HSF1: variants seen among roughly 807,000 people sequenced by gnomAD.
The protein encoded by HSF1 is heat shock transcription factor 1, also known as heat shock factor protein 1.
In HSF1, 32 loss-of-function variants were observed where a neutral mutation model predicts 51.7. That is an observed-to-expected ratio of 0.62 (90% CI 0.47 to 0.83). The LOEUF (loss-of-function observed/expected upper bound fraction) is 0.83, where lower values mean the gene tolerates loss of function less well. Ranked by LOEUF, HSF1 falls within the 40% of genes least tolerant of loss-of-function variation. The pLI is 0.00. For missense variants in HSF1, 727 were observed against 717.0 expected, an observed-to-expected ratio of 1.01 and a Z score of -0.16; for synonymous variants, 396 against 309.7, an observed-to-expected ratio of 1.28 and a Z score of -2.92.
chr8:144,311,913 G>A (rs374594691), intron 8 of HSF1, 50 bp from the exon 9 acceptor site: 2 of 1,580,872 alleles, frequency 1.3e-6, no homozygotes, highest in Non-Finnish European at 1.7e-6. Context: ...AGTTGGGGAT[G>A]AGGTGGGGCT....
intron 1 of HSF1, among the ~76,000 whole-genome samples, chr8:144,293,983 T>C (rs1166520919): frequency 6.6e-6 from 1 of 151,582 alleles, no homozygotes; most frequent in East Asian, 1.9e-4. Context: ...GGAAGGCAGG[T>C]GTGATGAGGC....
At chr8:144,299,725 T>C (rs1435540907) in intron 1 of HSF1, among the ~76,000 whole-genome samples, 2 of 151,696 alleles carry the variant, frequency 1.3e-5, no homozygotes, top group South Asian at 2.1e-4. Context: ...CTGGCTAACA[T>C]GGTGAAACCC....
Position 144,311,526 on chromosome 8 carries a change from T to C in HSF1, c.648T>C (p.Ser216=), listed in dbSNP as rs1554844495. The C allele has an allele frequency of 1.9e-6, 3 of 1,613,548 alleles. No homozygotes were observed. ...KRKIPLMLND[S]GSAHSMPKYS... ...ACAGCCCCCTGATGCTGAACGACAG[T>C]GGCTCAGCACATTCCATGCCCAAGT... Residue 216 remains serine (S), a synonymous_variant, in exon 7 of 13, where the codon AGT becomes AGC. Transcript: ENST00000528838.
intron 9 of HSF1, chr8:144,312,865 A>G (rs944195300): frequency 5.1e-5 from 34 of 667,534 alleles, no homozygotes; most frequent in Non-Finnish European, 8.6e-5. Flanking sequence ...CAGTGTCGTC[A>G]TGGCTCCCCT....
chr8:144,292,003 C>G (rs966802170), intron 1 of HSF1, 129 bp downstream of exon 1: 1 of 471,948 alleles, frequency 2.1e-6, no homozygotes, highest in African/African-American at 2.1e-5. Context: ...CCTGCCCTGC[C>G]CCCGCCAGAG....
In HSF1 at chr8:144,312,028, G is replaced by T; in HGVS notation, c.926G>T (p.Arg309Leu). The change falls in exon 9 of 13, where the codon CGG (arginine) becomes CTG (leucine). Residue 309 changes from arginine (R) to leucine (L), a missense_variant. By Grantham distance (102) the Arg-to-Leu change is moderately radical. Around this residue, in one of 2 missense-constraint regions of HSF1, gnomAD observed 470 missense variants for 398.8 expected, o/e 1.18. Coordinates refer to ENST00000528838, the MANE Select transcript of HSF1 (RefSeq NM_005526.4). ...CCCCCCAGCCCGCCTCAGAGCCCCC[G>T]GGTAGAGGAGGCGAGTCCCGGGCGC... is the stretch of plus-strand genomic sequence containing the variant. Reference protein sequence around the residue: ...EEPPSPPQSPRVEEASPGRPS... With the variant: ...EEPPSPPQSPLVEEASPGRPS... 6.2e-7 allele frequency: 1 copy of T among 1,607,452 alleles called. No individual in the cohort carries two copies. The highest frequency in any genetic ancestry group is 1.3e-5 in the African/African-American group (1 of 74,614).
Position 144,314,591 on chromosome 8 carries a change from TAGTC to T in HSF1, c.*264_*267del, listed in dbSNP as rs1465365971. On this transcript the variant is annotated 3_prime_UTR_variant, in exon 13 of 13. Coordinates refer to ENST00000528838, the MANE Select transcript of HSF1 (RefSeq NM_005526.4). The stretch of plus-strand genomic sequence containing the variant: ...CTGGACTGACCCTGCAGGTTGTTCA[TAGTC>T]AGAATTGTATTTTGGATTTTTACAC... The T allele has an allele frequency of 5.6e-6, 3 of 538,826 alleles. No individual in the cohort carries two copies. Among genetic ancestry groups the T allele is most frequent in the Admixed American group, 3.1e-5 (1 of 32,194 alleles). The allele number at this position is 538,826 out of a possible 1,614,324, so 33.4% of individuals were successfully genotyped here. A position where few individuals can be genotyped will look rare whatever the true frequency, so the allele number is the denominator to read the frequency against.
intron 9 of HSF1, chr8:144,312,645 A>G (rs1317733248): frequency 2.6e-6 from 4 of 1,535,178 alleles, no homozygotes; most frequent in African/African-American, 2.7e-5. Flanking sequence ...CGCACTCCAC[A>G]GATGTCTAGG....
At chr8:144,301,498 A>G (rs1186618855) in intron 1 of HSF1, among the ~76,000 whole-genome samples, 2 of 152,222 alleles carry the variant, frequency 1.3e-5, no homozygotes, top group Non-Finnish European at 2.9e-5. Flanking sequence ...CTTAAGCAGG[A>G]TAAAACCAAA....
At chr8:144,309,334 G>A (rs541244258) in intron 2 of HSF1, 121 bp from the exon 3 acceptor site, 3 of 1,402,646 alleles carry the variant, frequency 2.1e-6, no homozygotes, top group African/African-American at 2.8e-5. Flanking sequence ...TGGGCTCTGA[G>A]GGGGCAGGGC....
At chr8:144,296,164 AG>A (rs1349273451) in intron 1 of HSF1, among the ~76,000 whole-genome samples, 1 of 152,116 alleles carries the variant, frequency 6.6e-6, no homozygotes, top group Non-Finnish European at 1.5e-5. Flanking sequence ...GCAGTGAGGC[AG>A]GGGGCAGGGC....
chr8:144,313,526 C>G lies in HSF1; in HGVS notation c.1158C>G (p.Asp386Glu). 1.9e-6 allele frequency: 3 copies of G among 1,610,990 alleles called. No individual in the cohort carries two copies. Among genetic ancestry groups the G allele is most frequent in the Non-Finnish European group, 2.5e-6 (3 of 1,178,214 alleles). ...VACLDKNELS[D>E]HLDAMDSNLD... ...CCCGGGCCAGGAATGAGCTCAGTGA[C>G]CACTTGGATGCTATGGACTCCAACC... Residue 386 changes from aspartate to glutamate, a missense_variant, in exon 10 of 13, where the codon GAC (aspartate) becomes GAG (glutamate). Physicochemically the swap from Asp to Glu is conservative, Grantham distance 45. Coordinates refer to ENST00000528838, the MANE Select transcript of HSF1 (RefSeq NM_005526.4).
chr8:144,303,569 A>T (rs530338717), intron 1 of HSF1, among the ~76,000 whole-genome samples: 46 of 152,118 alleles, frequency 3.0e-4, no homozygotes, highest in African/African-American at 9.2e-4. Flanking sequence ...GAAAGCCTGA[A>T]CTGTATTTAA....
intron 3 of HSF1, 53 bp from the exon 4 acceptor site, chr8:144,309,719 C>T: frequency 6.3e-7 from 1 of 1,598,386 alleles, no homozygotes; most frequent in Non-Finnish European, 8.5e-7. Context: ...CGAGCCTGAG[C>T]CTGCCAAGCT....
rs568553260 is a variant in HSF1 at position 144,309,601 on chromosome 8, G to A, written c.363+10G>A. On this transcript the variant is annotated intron_variant, in intron 3 of 12. Coordinates refer to ENST00000528838, the MANE Select transcript of HSF1 (RefSeq NM_005526.4). ...GAGGAAAGTGACCAGTGTGAGTGCCGGCCCTGCACCCTTGCCCGGTCTCAC... is the reference window on the plus strand; with the variant it reads ...GAGGAAAGTGACCAGTGTGAGTGCCAGCCCTGCACCCTTGCCCGGTCTCAC... The A allele has an allele frequency of 3.0e-5, 49 of 1,613,440 alleles. No homozygotes were observed. The highest frequency in any genetic ancestry group is 2.9e-4 in the East Asian group (13 of 44,874).
intron 1 of HSF1, among the ~76,000 whole-genome samples, chr8:144,300,310 A>G (rs1397560802): frequency 7.6e-6 from 1 of 131,018 alleles, no homozygotes; most frequent in Non-Finnish European, 1.5e-5. Context: ...TCCACCTCCC[A>G]GGTCCAAGCA....
At position 144,312,185 on chromosome 8, in the gene HSF1, T is replaced by TGGCCG; in HGVS notation, c.1083_1084insGGCCG (p.Pro362GlyfsTer17). Reference sequence around the variant, plus strand: ...GCCACACGGACACCGAGGGCCGGCCTCCCTCCCCCCCGCCCACCTCCACCC... The same window carrying TGGCCG: ...GCCACACGGACACCGAGGGCCGGCCTGGCCGCCCTCCCCCCCGCCCACCTCCACCC... On this transcript the variant is annotated frameshift_variant, in exon 9 of 13. Transcript: ENST00000528838. LOFTEE classifies it high-confidence loss of function. The TGGCCG allele has an allele frequency of 1.3e-6, 2 of 1,532,932 alleles. No individual in the cohort carries two copies. Among genetic ancestry groups the TGGCCG allele is most frequent in the Non-Finnish European group, 1.8e-6 (2 of 1,117,492 alleles). The allele number at this position is 1,532,932 out of a possible 1,614,324, so 95.0% of individuals were successfully genotyped here.
At position 144,313,554 on chromosome 8, in the gene HSF1, G is replaced by A; in HGVS notation, c.1186G>A (p.Asp396Asn). Residue 396 changes from aspartate to asparagine, a missense_variant, in exon 10 of 13, where the codon GAT (aspartate) becomes AAT (asparagine). Coordinates refer to ENST00000528838, the MANE Select transcript of HSF1 (RefSeq NM_005526.4). ...DHLDAMDSNL[D>N]NLQTMLSSHG... is the part of the protein sequence containing the mutation. ...CTTGGATGCTATGGACTCCAACCTG[G>A]ATAACCTGCAGACCATGCTGAGCAG... 1 of 1,612,238 alleles carries A rather than the reference G, an allele frequency of 6.2e-7. No homozygotes were observed. The highest frequency in any genetic ancestry group is 8.5e-7 in the Non-Finnish European group (1 of 1,179,458).
chr8:144,312,633 C>T, intron 9 of HSF1: 2 of 1,535,328 alleles, frequency 1.3e-6, no homozygotes, highest in Non-Finnish European at 8.7e-7. Flanking sequence ...TGCAGTTTGG[C>T]TCGCACTCCA....
Sources: gnomAD v4.1 joint callset for allele counts (sites outside exome capture counted in the v4.1 genomes callset) on GRCh38, gnomAD v4.1.1 for gene constraint, gnomAD v4.1.1 regional missense constraint, MANE v1.5 for transcripts, NCBI Gene and HGNC (gene_info 2026-07-23, HGNC 2026-07-21) for gene names.